The following ZNF333 variants were observed in gnomAD, a reference collection of about 807,000 sequenced individuals.
ZNF333 encodes zinc finger protein 333.
Under a neutral mutation model 76.1 loss-of-function variants are expected in ZNF333, and 61 were observed. That is an observed-to-expected ratio of 0.80 (90% confidence interval 0.65 to 0.99). The LOEUF (loss-of-function observed/expected upper bound fraction) is 0.99. ZNF333 is among the 50% of genes least tolerant of loss of function. The pLI is 0.00. For synonymous variants in ZNF333, 284 were observed against 305.0 expected (o/e 0.93, Z 0.72); for missense variants, 717 against 822.4 (o/e 0.87, Z 1.57).
downstream of ZNF333, among the ~76,000 whole-genome samples, chr19:14,725,080 G>A (rs113149051): frequency 2.8e-3 from 419 of 152,300 alleles, 4 homozygotes; most frequent in African/African-American, 9.7e-3. Context: ...AGCTTCTGGC[G>A]AGGGCCTCAG....
chr19:14,704,930 A>T, intron 5 of ZNF333, 124 bp from the exon 6 acceptor site: 1 of 811,762 alleles, frequency 1.2e-6, no homozygotes, highest in Non-Finnish European at 2.0e-6. Flanking sequence ...GGCATGAGCC[A>T]CTGCACCCAT....
downstream of ZNF333, among the ~76,000 whole-genome samples, chr19:14,724,842 A>G (rs954475460): frequency 6.6e-6 from 1 of 152,192 alleles, no homozygotes; most frequent in South Asian, 2.1e-4. Flanking sequence ...ACACATGTGC[A>G]TTAATTCTTT....
At chr19:14,703,644 C>G (rs377011630) in intron 5 of ZNF333, among the ~76,000 whole-genome samples, 1 of 152,158 alleles carries the variant, frequency 6.6e-6, no homozygotes, top group Admixed American at 6.5e-5. Flanking sequence ...CAGAAAGGAG[C>G]GAGGGGATAG....
intron 7 of ZNF333, chr19:14,708,294 C>A: frequency 2.5e-6 from 1 of 400,636 alleles, no homozygotes; most frequent in East Asian, 3.6e-5. Flanking sequence ...AGGTGTGAGC[C>A]ACCGTGCCTG....
At chr19:14,708,396 A>G (rs1269040543) in intron 7 of ZNF333, 11 of 400,874 alleles carry the variant, frequency 2.7e-5, no homozygotes, top group African/African-American at 4.1e-5. Context: ...GAAAACACCG[A>G]CCCCTCCTCC....
intron 7 of ZNF333, 36 bp downstream of exon 7, chr19:14,706,809 G>T: frequency 1.3e-6 from 2 of 1,575,362 alleles, no homozygotes; most frequent in Non-Finnish European, 1.7e-6. Flanking sequence ...TGGCCAGAGG[G>T]CCCTGCTGTC....
chr19:14,707,575 G>T, intron 7 of ZNF333, among the ~76,000 whole-genome samples: 1 of 122,896 alleles, frequency 8.1e-6, no homozygotes. Context: ...TTTTTGAGAC[G>T]GAGTCTCACT....
In ZNF333 at chr19:14,707,752, C is replaced by T. The variant is rs373555865; in HGVS notation, c.511+979C>T. On this transcript the variant is annotated intron_variant, in intron 7 of 11. Transcript: ENST00000292530. ...ATTTTTAGTAGAGACGGGGTTTCAC[C>T]GTGTTAGCCAGGATGGTCTCGATCT... is the stretch of plus-strand genomic sequence containing the variant. Among the ~76,000 whole-genome samples, 9 of 150,888 alleles carry T rather than the reference C, an allele frequency of 6.0e-5. No homozygotes were observed. In the East Asian group the frequency reaches 9.9e-4, roughly 17 times the overall value.
intron 11 of ZNF333, among the ~76,000 whole-genome samples, chr19:14,730,103 AG>A (rs1470761113): frequency 6.6e-6 from 1 of 152,050 alleles, no homozygotes; most frequent in Non-Finnish European, 1.5e-5. Context: ...CCCAGGCTGG[AG>A]TACAATGGCA....
At chr19:14,728,936 C>A (rs776715460) in intron 11 of ZNF333, among the ~76,000 whole-genome samples, 60 of 152,168 alleles carry the variant, frequency 3.9e-4, no homozygotes, top group Admixed American at 7.2e-4. Context: ...ACAATGTAAG[C>A]TGACCCGATT....
rs2147030425 is a variant in ZNF333 at position 14,720,432 on chromosome 19, T to C, written c.*1107T>C. The C allele has an allele frequency of 2.0e-6, 2 of 985,412 alleles. No homozygotes were observed. Among genetic ancestry groups the C allele is most frequent in the African/African-American group, 1.7e-5 (1 of 57,346 alleles). 61.0% of individuals were successfully genotyped at this position (985,412 alleles called of 1,614,324 possible). Reference sequence around the variant, plus strand: ...GACCATAAGGGTAAAAGCCGCAAGCTAAGAAGAGGGTGGCCGGAAGTCATA... The same window carrying C: ...GACCATAAGGGTAAAAGCCGCAAGCCAAGAAGAGGGTGGCCGGAAGTCATA... On this transcript the variant is annotated 3_prime_UTR_variant, in exon 12 of 12. Coordinates refer to ENST00000292530, the MANE Select transcript of ZNF333 (RefSeq NM_032433.4).
At position 14,729,058 on chromosome 19, in the gene ZNF333, G is replaced by A. The variant is rs2042651295; in HGVS notation, c.901-2117G>A. Among the ~76,000 whole-genome samples, 3 of 152,186 alleles carry A rather than the reference G, an allele frequency of 2.0e-5. No homozygotes were observed. The South Asian group carries it at 6.2e-4, about 31-fold the overall frequency. On this transcript the variant is annotated intron_variant, in intron 11 of 11. Coordinates refer to the ZNF333 transcript ENST00000540689. ...TGTGTGGTTTTGAGGGGTGGAACGG[G>A]TGCAGAATGCGTGACCGAGGGAACA...
In ZNF333 at chr19:14,729,010, G is replaced by A. The variant is rs1321645589; in HGVS notation, c.901-2165G>A. 2.6e-5 allele frequency among the ~76,000 whole-genome samples: 4 copies of A among 152,192 alleles called. No individual in the cohort carries two copies. In the East Asian group the frequency reaches 7.7e-4, roughly 29 times the overall value. On this transcript the variant is annotated intron_variant, in intron 11 of 11. Transcript: ENST00000540689. ...AAGGGGACGTGAGTTACAATGGTGG[G>A]ACGTGCAGTTTTGAAGGGTATGTGT...
intron 2 of ZNF333, among the ~76,000 whole-genome samples, chr19:14,694,356 C>T (rs992612763): frequency 6.6e-6 from 1 of 151,714 alleles, no homozygotes; most frequent in Non-Finnish European, 1.5e-5. Context: ...GCCTGTAATC[C>T]CAGCTACTTG....
At chr19:14,699,460 C>A in intron 5 of ZNF333, 179 bp downstream of exon 5, 4 of 537,790 alleles carry the variant, frequency 7.4e-6, no homozygotes, top group Admixed American at 3.3e-5. Context: ...GACTGTTGCT[C>A]AAGACTTTTT....
At chr19:14,713,009 C>CT (rs57987629) in intron 7 of ZNF333, among the ~76,000 whole-genome samples, 3,182 of 152,208 alleles carry the variant, frequency 0.021, 108 homozygotes, top group African/African-American at 0.073. Context: ...AGCGTCAACT[C>CT]TAAGTGCAAA....
chr19:14,707,045 A>C, intron 7 of ZNF333: 2 of 373,042 alleles, frequency 5.4e-6, no homozygotes, highest in Non-Finnish European at 9.5e-6. Context: ...CTACACGATA[A>C]TGTTGATTTT....
intron 10 of ZNF333, 176 bp from the exon 11 acceptor site, chr19:14,717,481 C>T: frequency 1.7e-6 from 1 of 601,050 alleles, no homozygotes; most frequent in South Asian, 2.0e-5. Flanking sequence ...TAGCCACACA[C>T]CTTAAAATTT....
At chr19:14,697,772 T>TACCA (rs1973328317) in intron 4 of ZNF333, among the ~76,000 whole-genome samples, 2 of 152,218 alleles carry the variant, frequency 1.3e-5, no homozygotes, top group Admixed American at 1.3e-4. Context: ...GCAACTGTCG[T>TACCA]ACCACTTTCC....
Sources: allele counts gnomAD v4.1 joint callset (sites outside exome capture counted in the v4.1 genomes callset), GRCh38; gene constraint gnomAD v4.1.1; transcripts MANE v1.5; gene names NCBI Gene and HGNC (gene_info 2026-07-23, HGNC 2026-07-21).